PPARGC1A: variants seen among roughly 807,000 people sequenced by gnomAD.
PPARGC1A encodes peroxisome proliferator-activated receptor gamma coactivator 1-alpha.
In PPARGC1A, 25 loss-of-function variants were observed where a neutral mutation model predicts 88.7. The observed-to-expected ratio is 0.28, with a 90% CI of 0.21 to 0.39. PPARGC1A has a LOEUF of 0.39. PPARGC1A is among the 10% of genes least tolerant of loss of function. The pLI is 1.00. For missense variants in PPARGC1A, 880 were observed against 968.7 expected (o/e 0.91, Z 1.22); for synonymous variants, 363 against 355.6 (o/e 1.02, Z -0.24).
chr4:23,802,400 C>T, intron 10 of PPARGC1A, 55 bp from the exon 11 acceptor site: 1 of 1,608,970 alleles, frequency 6.2e-7, no homozygotes, highest in Non-Finnish European at 8.5e-7. Flanking sequence ...TAGCCCTCGG[C>T]CGGGCACAGT....
the PPARGC1A span, among the ~76,000 whole-genome samples, chr4:23,956,333 C>T: frequency 6.6e-6 from 1 of 152,102 alleles, no homozygotes; most frequent in African/African-American, 2.4e-5. Flanking sequence ...TTCTAACAAG[C>T]TCCCAGGTGA....
the PPARGC1A span, among the ~76,000 whole-genome samples, chr4:24,061,546 C>T: frequency 6.6e-6 from 1 of 152,180 alleles, no homozygotes; most frequent in Non-Finnish European, 1.5e-5. Flanking sequence ...ACAGACTCAA[C>T]TCACTTCTCC....
the PPARGC1A span, among the ~76,000 whole-genome samples, chr4:24,260,387 C>T: frequency 6.6e-6 from 1 of 152,226 alleles, no homozygotes; most frequent in African/African-American, 2.4e-5. Flanking sequence ...ACAGACACTC[C>T]ACTTGGGTCT....
At chr4:24,258,763 A>T in the PPARGC1A span, among the ~76,000 whole-genome samples, 1 of 152,272 alleles carries the variant, frequency 6.6e-6, no homozygotes, top group Non-Finnish European at 1.5e-5. Flanking sequence ...AGAATACTTC[A>T]GAAGTAATTT....
the PPARGC1A span, among the ~76,000 whole-genome samples, chr4:24,260,632 G>A: frequency 9.9e-5 from 15 of 152,058 alleles, no homozygotes; most frequent in Admixed American, 3.3e-4. Context: ...GGGCAGAGTC[G>A]TGGTATGTTT....
intron 10 of PPARGC1A, 60 bp from the exon 11 acceptor site, chr4:23,802,405 C>T (rs1718953676): frequency 1.9e-6 from 3 of 1,599,906 alleles, no homozygotes; most frequent in Non-Finnish European, 2.6e-6. Context: ...CTCGGCCGGG[C>T]ACAGTGGCTC....
chr4:23,824,865 C>T (rs985664726), intron 5 of PPARGC1A, among the ~76,000 whole-genome samples: 1 of 152,172 alleles, frequency 6.6e-6, no homozygotes, highest in Admixed American at 6.6e-5. Context: ...AGCAGAGCAA[C>T]TATAAGGCGA....
At chr4:24,459,046 A>AAT in the PPARGC1A span, among the ~76,000 whole-genome samples, 1 of 152,202 alleles carries the variant, frequency 6.6e-6, no homozygotes, top group African/African-American at 2.4e-5. Context: ...CCAAAACAAA[A>AAT]ATATATATCT....
At chr4:23,994,455 G>A in the PPARGC1A span, among the ~76,000 whole-genome samples, 1 of 152,124 alleles carries the variant, frequency 6.6e-6, no homozygotes, top group East Asian at 1.9e-4. Context: ...TAATAAAATA[G>A]GCTCTCCTGG....
At chr4:24,182,756 C>T in the PPARGC1A span, among the ~76,000 whole-genome samples, 3 of 152,100 alleles carry the variant, frequency 2.0e-5, no homozygotes, top group Non-Finnish European at 4.4e-5. Flanking sequence ...TGGTACCCCA[C>T]TTTAAGAGGA....
the PPARGC1A span, among the ~76,000 whole-genome samples, chr4:24,264,016 G>T: frequency 6.6e-6 from 1 of 152,098 alleles, no homozygotes; most frequent in Admixed American, 6.5e-5. Context: ...CTCCCAAAGT[G>T]CTGGGATTAC....
chr4:24,166,315 G>T, the PPARGC1A span, among the ~76,000 whole-genome samples: 1 of 152,234 alleles, frequency 6.6e-6, no homozygotes, highest in Non-Finnish European at 1.5e-5. Flanking sequence ...CATAATGTAA[G>T]TGCAAAGTGA....
the PPARGC1A span, among the ~76,000 whole-genome samples, chr4:24,467,374 T>G: frequency 6.6e-6 from 1 of 152,230 alleles, no homozygotes; most frequent in Non-Finnish European, 1.5e-5. Context: ...TCATACTACA[T>G]CTTCAGGGAA....
At chr4:23,945,565 G>C in the PPARGC1A span, among the ~76,000 whole-genome samples, 1 of 152,126 alleles carries the variant, frequency 6.6e-6, no homozygotes, top group Admixed American at 6.5e-5. Flanking sequence ...AGAAAGGAAA[G>C]AATAAGGCTC....
the PPARGC1A span, among the ~76,000 whole-genome samples, chr4:23,952,565 C>T: frequency 6.6e-6 from 1 of 152,102 alleles, no homozygotes; most frequent in Non-Finnish European, 1.5e-5. Context: ...AATGCTGTGT[C>T]CTCTTTTTTA....
chr4:23,876,323 A>G (rs976431659), intron 2 of PPARGC1A, among the ~76,000 whole-genome samples: 1 of 152,224 alleles, frequency 6.6e-6, no homozygotes, highest in Non-Finnish European at 1.5e-5. Flanking sequence ...CTGCTTCCAT[A>G]ATCTCTGAAA....
At chr4:24,030,735 TG>T in the PPARGC1A span, among the ~76,000 whole-genome samples, 1 of 152,162 alleles carries the variant, frequency 6.6e-6, no homozygotes, top group African/African-American at 2.4e-5. Context: ...AAAAACTGCC[TG>T]CCTCATCTCT....
the PPARGC1A span, among the ~76,000 whole-genome samples, chr4:24,086,531 ATAGAT>A: frequency 3.3e-5 from 5 of 152,166 alleles, no homozygotes; most frequent in East Asian, 7.7e-4. Flanking sequence ...AACTCCCAAG[ATAGAT>A]TAGAGGCCTA....
At chr4:24,252,479 A>T in the PPARGC1A span, among the ~76,000 whole-genome samples, 1 of 152,336 alleles carries the variant, frequency 6.6e-6, no homozygotes, top group Admixed American at 6.5e-5. Context: ...GCCAACCAAG[A>T]TTGCTGGATA....
Sources: allele counts gnomAD v4.1 joint callset (sites outside exome capture counted in the v4.1 genomes callset), GRCh38; gene constraint gnomAD v4.1.1; transcripts MANE v1.5; gene names NCBI Gene and HGNC (gene_info 2026-07-23, HGNC 2026-07-21).